PATJ: variants seen among roughly 807,000 people sequenced by gnomAD.
PATJ encodes the protein inaD-like protein.
Under a neutral mutation model 224.9 loss-of-function variants are expected in PATJ, and 190 were observed. The ratio of observed to expected loss-of-function variants is 0.84; its 90% CI spans 0.75 to 0.95. PATJ has a LOEUF of 0.95. Ranked by LOEUF, PATJ falls within the 40% of genes least tolerant of loss-of-function variation. The pLI is 0.00. For missense variants in PATJ, 2,121 were observed against 2,270.3 expected, an observed-to-expected ratio of 0.93 and a Z score of 1.34; for synonymous variants, 769 against 820.3, an observed-to-expected ratio of 0.94 and a Z score of 1.07.
At chr1:61,813,408 TA>T (rs1655374952) in intron 14 of PATJ, among the ~76,000 whole-genome samples, 1 of 144,262 alleles carries the variant, frequency 6.9e-6, no homozygotes, top group South Asian at 2.3e-4. Context: ...CATACACACA[TA>T]TACATATTTG....
intron 12 of PATJ, among the ~76,000 whole-genome samples, chr1:61,804,606 C>G (rs866029382): frequency 6.6e-6 from 1 of 152,054 alleles, no homozygotes. Context: ...AGTTAAAAAA[C>G]GTAGAAGTTT....
chr1:61,796,675 T>TTTCTTTCTTTC (rs1557660372), intron 10 of PATJ, among the ~76,000 whole-genome samples: 7 of 27,494 alleles, frequency 2.5e-4, no homozygotes, highest in African/African-American at 5.5e-4. Context: ...TCTTTCTTTC[T>TTTCTTTCTTTC]TTCTTTCTTT....
intron 32 of PATJ, among the ~76,000 whole-genome samples, chr1:62,083,664 TTATAA>T (rs1421029930): frequency 2.6e-5 from 4 of 152,224 alleles, no homozygotes; most frequent in Non-Finnish European, 4.4e-5. Context: ...AGTCTTGTGT[TTATAA>T]TATATTTTGC....
chr1:62,144,158 T>C (rs1237942614), intron 41 of PATJ, among the ~76,000 whole-genome samples: 2 of 152,188 alleles, frequency 1.3e-5, no homozygotes, highest in African/African-American at 4.8e-5. Context: ...CCCAATTCAT[T>C]CCGTCATTCT....
intron 28 of PATJ, among the ~76,000 whole-genome samples, chr1:62,013,161 G>T (rs1449561863): frequency 1.3e-5 from 2 of 152,130 alleles, no homozygotes; most frequent in African/African-American, 4.8e-5. Flanking sequence ...TAAAATTAAC[G>T]ATCTGCTTTC....
chr1:61,952,060 T>TCAG, intron 27 of PATJ: 1 of 304,156 alleles, frequency 3.3e-6, no homozygotes, highest in East Asian at 5.3e-5. Context: ...AGTGTCACAG[T>TCAG]CAGCAGCGTG....
rs1669783042 is a variant in PATJ, at chr1:62,160,940, A to G, written c.5535A>G (p.Arg1845=). ...CTGCAGATGACGGCCGATTAAAACGAGGGGATCAGATTTTAGCTGTTAATG... is the reference window on the plus strand; with the variant it reads ...CTGCAGATGACGGCCGATTAAAACGGGGGGATCAGATTTTAGCTGTTAATG... The part of the protein sequence containing the change: ...GAAADDGRLK[R]GDQILAVNGE... Residue 1845 remains arginine, a synonymous_variant, in exon 44 of 44, where the codon CGA becomes CGG. Transcript: ENST00000642238. 4.3e-6 allele frequency: 7 copies of G among 1,613,940 alleles called. No individual in the cohort carries two copies. The highest frequency in any genetic ancestry group is 5.1e-6 in the Non-Finnish European group (6 of 1,180,014).
At chr1:61,923,264 T>G (rs1207301361) in intron 26 of PATJ, among the ~76,000 whole-genome samples, 1 of 152,210 alleles carries the variant, frequency 6.6e-6, no homozygotes, top group East Asian at 1.9e-4. Context: ...TACTTTTCTC[T>G]GAAATTGCAT....
chr1:62,070,296 C>T (rs181562694), intron 31 of PATJ, among the ~76,000 whole-genome samples: 17 of 152,316 alleles, frequency 1.1e-4, no homozygotes, highest in East Asian at 5.8e-4. Flanking sequence ...GACCTTTTCA[C>T]GTCTTTTTTC....
At chr1:61,944,690 G>A (rs1204569266) in intron 27 of PATJ, among the ~76,000 whole-genome samples, 3 of 152,146 alleles carry the variant, frequency 2.0e-5, no homozygotes, top group African/African-American at 2.4e-5. Flanking sequence ...AACCTAGGGA[G>A]GCAGGCCAAC....
chr1:62,059,952 A>G (rs1376548340), intron 31 of PATJ, among the ~76,000 whole-genome samples: 2 of 152,156 alleles, frequency 1.3e-5, no homozygotes, highest in Non-Finnish European at 2.9e-5. Flanking sequence ...GGTTGATGCT[A>G]TTTACTGAGA....
At chr1:61,952,466 C>T in intron 27 of PATJ, 1 of 716,778 alleles carries the variant, frequency 1.4e-6, no homozygotes, top group Non-Finnish European at 2.6e-6. Flanking sequence ...CAATCTGATG[C>T]TGTTTTAGTG....
chr1:61,783,557 A>G (rs1486423410), intron 7 of PATJ, among the ~76,000 whole-genome samples: 2 of 151,134 alleles, frequency 1.3e-5, no homozygotes, highest in Non-Finnish European at 2.9e-5. Flanking sequence ...CTGGGATTAC[A>G]GGCATGAGCC....
At chr1:61,971,518 G>A (rs1682971089) in intron 27 of PATJ, among the ~76,000 whole-genome samples, 2 of 152,032 alleles carry the variant, frequency 1.3e-5, no homozygotes, top group Admixed American at 1.3e-4. Flanking sequence ...GGAGGCTGAG[G>A]TAAGAAGAGC....
chr1:61,894,265 A>AAAAC (rs1553194648), intron 22 of PATJ, among the ~76,000 whole-genome samples: 423 of 131,358 alleles, frequency 3.2e-3, no homozygotes, highest in Non-Finnish European at 6.0e-3. Flanking sequence ...ATAAAAAAAA[A>AAAAC]AAAACACAAA....
intron 8 of PATJ, among the ~76,000 whole-genome samples, chr1:61,790,520 T>TG (rs1261600552): frequency 5.5e-5 from 8 of 145,972 alleles, no homozygotes; most frequent in Middle Eastern, 3.5e-3. Context: ...TTTTTGTTTT[T>TG]TTTTTTTGTT....
intron 30 of PATJ, among the ~76,000 whole-genome samples, chr1:62,040,632 G>C (rs138196702): frequency 1.3e-5 from 2 of 152,212 alleles, no homozygotes; most frequent in South Asian, 4.2e-4. Context: ...GAGCTGGGGC[G>C]TGTTTGAGGA....
At chr1:61,776,757 G>A (rs1470028452) in intron 7 of PATJ, among the ~76,000 whole-genome samples, 5 of 149,138 alleles carry the variant, frequency 3.4e-5, no homozygotes, top group South Asian at 2.1e-4. Context: ...ATGGAGTCTC[G>A]CTGTGTTGCC....
chr1:61,775,297 T>C lies in PATJ; in HGVS notation c.812T>C (p.Val271Ala). The C allele has an allele frequency of 6.2e-7, 1 of 1,613,936 alleles. No individual in the cohort carries two copies. Among genetic ancestry groups the C allele is most frequent in the Non-Finnish European group, 8.5e-7 (1 of 1,179,892 alleles). ...GTTGGAGGAAAAACAAGTGGCGTGG[T>C]TGTGAGGACTATAGTTCCTGGAGGA... is the stretch of plus-strand genomic sequence containing the variant. ...GIVGGKTSGV[V>A]VRTIVPGGLA... is the part of the protein sequence containing the mutation. Residue 271 changes from valine (V) to alanine (A), a missense_variant, in exon 7 of 44, where the codon GTT becomes GCT. Transcript: ENST00000642238.
Sources: gnomAD v4.1 joint callset for allele counts (sites outside exome capture counted in the v4.1 genomes callset) on GRCh38, gnomAD v4.1.1 for gene constraint, MANE v1.5 for transcripts, NCBI Gene and HGNC (gene_info 2026-07-23, HGNC 2026-07-21) for gene names.